Variants in GABRB3 observed in about 807,000 individuals in gnomAD.
GABRB3 encodes gamma-aminobutyric acid receptor subunit beta-3.
A neutral mutation model predicts 52.1 loss-of-function variants in GABRB3; 14 were observed. The observed-to-expected ratio is 0.27, with a 90% confidence interval of 0.18 to 0.42. The LOEUF (loss-of-function observed/expected upper bound fraction) is 0.42, where lower values mean the gene tolerates loss of function less well. Ranked by LOEUF, GABRB3 falls within the 10% of genes least tolerant of loss-of-function variation. The probability of loss-of-function intolerance (pLI) is 1.00; values close to 1 mark genes in which losing one functional copy is unlikely to be tolerated. For missense variants in GABRB3, 307 were observed against 609.1 expected (o/e 0.50, Z 5.22); for synonymous variants, 260 against 232.3 (o/e 1.12, Z -1.08).
chr15:26,700,491 G>C (rs28859612), intron 3 of GABRB3, among the ~76,000 whole-genome samples: 3,649 of 152,256 alleles, frequency 0.024, 142 homozygotes, highest in African/African-American at 0.083. Context: ...ATTACCATGA[G>C]CCCTGAATCA....
chr15:26,648,545 A>G (rs1029915628), intron 3 of GABRB3, among the ~76,000 whole-genome samples: 4 of 152,214 alleles, frequency 2.6e-5, no homozygotes, highest in African/African-American at 9.6e-5. Context: ...GGGCAGAGAA[A>G]GGGCCATCAG....
intron 5 of GABRB3, among the ~76,000 whole-genome samples, chr15:26,581,885 C>T (rs1196108698): frequency 6.6e-6 from 1 of 152,182 alleles, no homozygotes; most frequent in Admixed American, 6.5e-5. Context: ...GGATTATAAG[C>T]TCCACAAAGG....
intron 3 of GABRB3, among the ~76,000 whole-genome samples, chr15:26,763,374 C>T (rs138440926): frequency 3.3e-5 from 5 of 152,056 alleles, no homozygotes; most frequent in Non-Finnish European, 7.4e-5. Flanking sequence ...AAAGATACAC[C>T]TTTACTGCAA....
At chr15:26,548,177 T>G (rs1323479276) in intron 8 of GABRB3, 43 bp from the exon 9 acceptor site, 1 of 1,482,142 alleles carries the variant, frequency 6.7e-7, no homozygotes, top group Non-Finnish European at 9.4e-7. Flanking sequence ...GCCAGCAGCA[T>G]AATTTCCCTA....
chr15:26,732,335 TGGAC>T lies in GABRB3; in HGVS notation c.240+40063_240+40066del, dbSNP rs1161962594. On this transcript the variant is annotated intron_variant, in intron 3 of 8. Coordinates refer to ENST00000311550, the MANE Select transcript of GABRB3 (RefSeq NM_000814.6). Reference sequence around the variant, plus strand: ...ATGGATGGATGGATGGATGGATGGATGGACGGACAGATGAGTAGATAGAGAGATA... The same window carrying T: ...ATGGATGGATGGATGGATGGATGGATGGACAGATGAGTAGATAGAGAGATA... Among the ~76,000 whole-genome samples, 12 of 146,220 alleles carry T rather than the reference TGGAC, an allele frequency of 8.2e-5. No individual in the cohort carries two copies. The South Asian group carries it at 1.1e-3, about 13-fold the overall frequency.
intron 4 of GABRB3, among the ~76,000 whole-genome samples, chr15:26,616,343 G>C (rs1003051258): frequency 1.3e-5 from 2 of 152,132 alleles, no homozygotes; most frequent in African/African-American, 2.4e-5. Context: ...TTATTAATTT[G>C]CTCTTTTGTC....
At chr15:26,608,988 T>C (rs1891947570) in intron 4 of GABRB3, among the ~76,000 whole-genome samples, 1 of 151,984 alleles carries the variant, frequency 6.6e-6, no homozygotes, top group Non-Finnish European at 1.5e-5. Context: ...GAAGGGATGT[T>C]AGCACTCCCA....
Position 26,560,973 on chromosome 15 carries a change from C to A in GABRB3, c.1039G>T (p.Ala347Ser), listed in dbSNP as rs1365439059. ...QRQKKLAEKTAKAKNDRSKSE... is the reference protein window; with the variant it reads ...QRQKKLAEKTSKAKNDRSKSE... The stretch of plus-strand genomic sequence containing the variant: ...TTTGAACGGTCATTCTTTGCCTTGG[C>A]TGTCTTTTCTGCAAGCTTCTTCTGC... Residue 347 changes from alanine (A) to serine (S), a missense_variant, in exon 8 of 9, where the codon GCC (alanine) becomes TCC (serine). Coordinates refer to ENST00000311550, the MANE Select transcript of GABRB3 (RefSeq NM_000814.6). 6.2e-7 allele frequency: 1 copy of A among 1,614,034 alleles called. No homozygotes were observed. The highest frequency in any genetic ancestry group is 1.7e-5 in the Admixed American group (1 of 60,008).
At chr15:26,580,232 T>C in intron 6 of GABRB3, 87 bp downstream of exon 6, 1 of 1,471,044 alleles carries the variant, frequency 6.8e-7, no homozygotes, top group Non-Finnish European at 9.5e-7. Flanking sequence ...TCCTGTGCTG[T>C]GAGTCTATGG....
chr15:26,730,334 C>A (rs913833188), intron 3 of GABRB3, among the ~76,000 whole-genome samples: 1 of 145,240 alleles, frequency 6.9e-6, no homozygotes, highest in African/African-American at 2.5e-5. Context: ...AGGAGAATGG[C>A]GTGAACCCGG....
intron 6 of GABRB3, among the ~76,000 whole-genome samples, chr15:26,573,803 A>G (rs767356719): frequency 6.6e-6 from 1 of 152,208 alleles, no homozygotes; most frequent in Non-Finnish European, 1.5e-5. Flanking sequence ...CAATCTCAGC[A>G]CTTTGGGAGG....
At chr15:26,642,290 G>A (rs1426532826) in intron 3 of GABRB3, 7 of 236,018 alleles carry the variant, frequency 3.0e-5, no homozygotes, top group African/African-American at 1.6e-4. Context: ...AACTTTTCGT[G>A]TATGGTATAC....
intron 3 of GABRB3, among the ~76,000 whole-genome samples, chr15:26,685,114 C>T (rs912253594): frequency 6.6e-6 from 1 of 152,172 alleles, no homozygotes; most frequent in Non-Finnish European, 1.5e-5. Context: ...CCCTGCAGGT[C>T]CCATGGGATG....
chr15:26,732,928 T>A (rs1008661913), intron 3 of GABRB3, among the ~76,000 whole-genome samples: 3 of 151,576 alleles, frequency 2.0e-5, no homozygotes, highest in African/African-American at 7.3e-5. Flanking sequence ...AGCCCGGGAG[T>A]TTGAGGCTTC....
intron 8 of GABRB3, among the ~76,000 whole-genome samples, chr15:26,557,047 G>A (rs189977050): frequency 6.6e-6 from 1 of 152,242 alleles, no homozygotes; most frequent in African/African-American, 2.4e-5. Flanking sequence ...ATGAACAGTG[G>A]ACCGGATAAA....
chr15:26,570,414 G>A (rs8033560), intron 6 of GABRB3, among the ~76,000 whole-genome samples: 35,442 of 152,092 alleles, frequency 0.23, 5,300 homozygotes, highest in East Asian at 0.71. Context: ...CGCGGGCCTC[G>A]CCCTCCTGGC....
Position 26,621,604 on chromosome 15 carries a change from CA to C in GABRB3, c.241-71del. On this transcript the variant is annotated intron_variant, in intron 3 of 8. Coordinates refer to ENST00000311550, the MANE Select transcript of GABRB3 (RefSeq NM_000814.6). The surrounding 1 kb of genome is among the most constrained non-coding windows in gnomAD (Gnocchi z 4.1). ...CAGGTGTATTTCCTCCACGACCAGC[CA>C]AATTCAGGTTGCAATCTAGGCTCTA... 1.6e-6 allele frequency: 2 copies of C among 1,259,232 alleles called. No individual in the cohort carries two copies. Among genetic ancestry groups the C allele is most frequent in the Non-Finnish European group, 2.3e-6 (2 of 874,618 alleles). 78.0% of individuals were successfully genotyped at this position (1,259,232 alleles called of 1,614,324 possible).
At chr15:26,614,175 T>C (rs1273603887) in intron 4 of GABRB3, 4 of 152,188 alleles carry the variant, frequency 2.6e-5, no homozygotes, top group African/African-American at 9.7e-5. Context: ...AGGCAAAGAA[T>C]GAGCCAACAG....
At chr15:26,684,522 C>A (rs963994556) in intron 3 of GABRB3, among the ~76,000 whole-genome samples, 1 of 152,154 alleles carries the variant, frequency 6.6e-6, no homozygotes, top group Non-Finnish European at 1.5e-5. Flanking sequence ...GCCTAGCTTT[C>A]GGCCTGTTTT....
Sources: gnomAD v4.1 joint callset for allele counts (sites outside exome capture counted in the v4.1 genomes callset) on GRCh38, gnomAD v4.1.1 for gene constraint, Gnocchi (gnomAD v3.1) non-coding constraint, MANE v1.5 for transcripts, NCBI Gene and HGNC (gene_info 2026-07-23, HGNC 2026-07-21) for gene names.